Variants in THSD4 observed in about 807,000 individuals in gnomAD.
THSD4 encodes thrombospondin type 1 domain containing 4, also known as thrombospondin type-1 domain-containing protein 4.
THSD4 carries 69 observed loss-of-function variants against 119.0 expected under a neutral mutation model. That is an observed-to-expected ratio of 0.58 (90% confidence interval 0.48 to 0.71). The LOEUF is 0.71. Ranked by LOEUF, THSD4 falls within the 30% of genes least tolerant of loss-of-function variation. THSD4 has a pLI of 0.00. For missense variants in THSD4, 1,393 were observed against 1,391.1 expected (o/e 1.00, Z -0.02); for synonymous variants, 524 against 540.4 (o/e 0.97, Z 0.42).
In THSD4 at chr15:71,627,775, G is replaced by A. The variant is rs2050537623; in HGVS notation, c.1153-32755G>A. ...GTAAGGAGAGATTTTTTCCAGTTGA[G>A]CTGTGAGTCATTTGTCACTGAAGAG... On this transcript the variant is annotated intron_variant, in intron 7 of 17. Coordinates refer to ENST00000261862, the MANE Select transcript of THSD4 (RefSeq NM_024817.3). 2.0e-5 allele frequency among the ~76,000 whole-genome samples: 3 copies of A among 152,180 alleles called. No individual in the cohort carries two copies. In the South Asian group the frequency reaches 6.2e-4, roughly 31 times the overall value.
upstream of THSD4, among the ~76,000 whole-genome samples, chr15:71,114,170 G>C (rs942851399): frequency 2.0e-5 from 3 of 151,850 alleles, no homozygotes; most frequent in Admixed American, 2.0e-4. Context: ...TGCTCAAAAT[G>C]GTGTTTCTTT....
chr15:71,256,618 T>C lies in THSD4; in HGVS notation c.918T>C (p.Cys306=). Residue 306 remains cysteine, a synonymous_variant, in exon 6 of 18, where the codon TGT becomes TGC. Transcript: ENST00000261862. ...TTTAATATCTGCTTTATTAGGTATG[T>C]CCAGAAAGCAGTAGAAGTATCCGGG... is the stretch of plus-strand genomic sequence containing the variant. ...RQYKLCNTNV[C]PESSRSIREV... The C allele has an allele frequency of 6.2e-7, 1 of 1,613,804 alleles. No individual in the cohort carries two copies.
intron 7 of THSD4, among the ~76,000 whole-genome samples, chr15:71,618,051 G>A (rs902172472): frequency 1.3e-5 from 2 of 152,078 alleles, no homozygotes; most frequent in African/African-American, 4.8e-5. Context: ...TCTGTTCCTA[G>A]CCCAAAGCTT....
At chr15:71,757,292 C>T (rs1294027399) in intron 14 of THSD4, among the ~76,000 whole-genome samples, 1 of 152,114 alleles carries the variant, frequency 6.6e-6, no homozygotes, top group Non-Finnish European at 1.5e-5. Flanking sequence ...AACAATTTGC[C>T]TTAATATCAG....
upstream of THSD4, chr15:71,111,067 T>C (rs6494895): frequency 0.16 from 232,021 of 1,439,328 alleles, 21,077 homozygotes; most frequent in African/African-American, 0.38. Flanking sequence ...CTGTGAGTAT[T>C]ATCATTTGCA....
intron 3 of THSD4, among the ~76,000 whole-genome samples, chr15:71,214,653 C>T (rs1364122630): frequency 6.6e-6 from 1 of 152,210 alleles, no homozygotes; most frequent in Admixed American, 6.5e-5. Flanking sequence ...CCACAGTGTC[C>T]ATCCAGTTCC....
intron 1 of THSD4, among the ~76,000 whole-genome samples, chr15:71,102,124 T>C (rs1309778638): frequency 1.3e-5 from 2 of 152,234 alleles, no homozygotes; most frequent in East Asian, 1.9e-4. Flanking sequence ...CTACCTGAAA[T>C]GAGTCATTTA....
At chr15:71,116,216 TTGC>T (rs2141349403) in intron 1 of THSD4, among the ~76,000 whole-genome samples, 1 of 152,344 alleles carries the variant, frequency 6.6e-6, no homozygotes, top group South Asian at 2.1e-4. Context: ...CTCAGTTTAG[TTGC>T]TGCAACCCAG....
At chr15:71,437,005 A>G (rs913697100) in intron 7 of THSD4, among the ~76,000 whole-genome samples, 15 of 152,208 alleles carry the variant, frequency 9.9e-5, no homozygotes, top group Non-Finnish European at 1.8e-4. Context: ...TGGGTAATTT[A>G]TAAAGAAAAG....
At chr15:71,182,364 A>G (rs1394945598) in intron 3 of THSD4, among the ~76,000 whole-genome samples, 2 of 151,742 alleles carry the variant, frequency 1.3e-5, no homozygotes, top group Non-Finnish European at 2.9e-5. Flanking sequence ...TCTGGTACCC[A>G]TATCTTAAAT....
intron 16 of THSD4, 148 bp from the exon 17 acceptor site, chr15:71,770,916 T>A: frequency 1.7e-6 from 2 of 1,187,672 alleles, no homozygotes; most frequent in Non-Finnish European, 2.3e-6. Flanking sequence ...TGCTGATTGT[T>A]GAAGCTGGTT....
At chr15:71,196,746 G>A (rs745532813) in intron 3 of THSD4, among the ~76,000 whole-genome samples, 48 of 152,140 alleles carry the variant, frequency 3.2e-4, no homozygotes, top group Non-Finnish European at 5.9e-4. Flanking sequence ...GGGCAAGCAG[G>A]AACACGGGAA....
At chr15:71,571,873 C>A (rs748553465) in intron 7 of THSD4, among the ~76,000 whole-genome samples, 9 of 152,230 alleles carry the variant, frequency 5.9e-5, no homozygotes, top group African/African-American at 1.2e-4. Context: ...AACAGCTTAT[C>A]TTATTAGCTA....
At chr15:71,534,776 C>T (rs1337915298) in intron 7 of THSD4, among the ~76,000 whole-genome samples, 4 of 152,072 alleles carry the variant, frequency 2.6e-5, no homozygotes, top group Non-Finnish European at 4.4e-5. Flanking sequence ...TTCAGGAGTT[C>T]GAGACCAACC....
intron 4 of THSD4, among the ~76,000 whole-genome samples, chr15:71,226,008 C>CT (rs2044015717): frequency 6.6e-6 from 1 of 152,022 alleles, no homozygotes; most frequent in African/African-American, 2.4e-5. Flanking sequence ...CTTGGACAGC[C>CT]CCCTTCCATG....
At chr15:71,632,623 C>T (rs755181894) in intron 7 of THSD4, among the ~76,000 whole-genome samples, 1 of 152,220 alleles carries the variant, frequency 6.6e-6, no homozygotes, top group Non-Finnish European at 1.5e-5. Flanking sequence ...GTGGAGTGAA[C>T]TCCCCTAACC....
intron 2 of THSD4, among the ~76,000 whole-genome samples, chr15:71,151,158 A>G (rs1191275346): frequency 1.3e-5 from 2 of 152,204 alleles, no homozygotes; most frequent in African/African-American, 2.4e-5. Context: ...GAAGTGAGGG[A>G]ACGAGTAGAA....
rs372129760 is a variant in THSD4 at position 71,290,919 on chromosome 15, A to G, written c.1015+34204A>G. ...TTAACTTTTATTTATAGACACATGC[A>G]TATAATTTAAAAGTCAAATAGCCCA... On this transcript the variant is annotated intron_variant, in intron 6 of 17. Coordinates refer to ENST00000261862, the MANE Select transcript of THSD4 (RefSeq NM_024817.3). Among the ~76,000 whole-genome samples, 11 of 137,726 alleles carry G rather than the reference A, an allele frequency of 8.0e-5. No homozygotes were observed. The South Asian group carries it at 1.1e-3, about 14-fold the overall frequency. The allele number at this position is 137,726 out of a possible 152,430, so 90.4% of individuals were successfully genotyped here. A position where few individuals can be genotyped will look rare whatever the true frequency, so the allele number is the denominator to read the frequency against.
At chr15:71,570,136 A>T (rs779098088) in intron 7 of THSD4, among the ~76,000 whole-genome samples, 16 of 152,226 alleles carry the variant, frequency 1.1e-4, no homozygotes, top group Non-Finnish European at 1.8e-4. Flanking sequence ...ATAACACCTA[A>T]CATCAGTGAA....
Sources: allele counts gnomAD v4.1 joint callset (sites outside exome capture counted in the v4.1 genomes callset), GRCh38; gene constraint gnomAD v4.1.1; transcripts MANE v1.5; gene names NCBI Gene and HGNC (gene_info 2026-07-23, HGNC 2026-07-21).